The following FGD4 variants were observed in gnomAD, a reference collection of about 807,000 sequenced individuals.
The protein encoded by FGD4 is FYVE, RhoGEF and PH domain containing 4.
In FGD4, 42 loss-of-function variants were observed where a neutral mutation model predicts 102.0. The ratio of observed to expected loss-of-function variants is 0.41; its 90% CI spans 0.32 to 0.53. The LOEUF is 0.53. Among genes scored for constraint, FGD4 ranks in the 20% least tolerant of loss-of-function variants. FGD4 has a pLI of 0.21. For missense variants in FGD4, 902 were observed against 1,078.2 expected, an observed-to-expected ratio of 0.84 and a Z score of 2.29; for synonymous variants, 380 against 375.7, an observed-to-expected ratio of 1.01 and a Z score of -0.13.
chr12:32,500,392 T>TTTTTATTTTA (rs56752650), intron 1 of FGD4, among the ~76,000 whole-genome samples: 2,482 of 135,288 alleles, frequency 0.018, 43 homozygotes, highest in South Asian at 0.028. Context: ...TTTTATTTTA[T>TTTTTATTTTA]TTTTATTTTA....
intron 1 of FGD4, among the ~76,000 whole-genome samples, chr12:32,496,448 A>G (rs1298764969): frequency 2.0e-5 from 3 of 152,124 alleles, no homozygotes; most frequent in Non-Finnish European, 4.4e-5. Flanking sequence ...CCAACCCCCT[A>G]CAACAAGAGT....
At chr12:32,612,320 T>C (rs367799039) in intron 10 of FGD4, among the ~76,000 whole-genome samples, 2 of 152,232 alleles carry the variant, frequency 1.3e-5, no homozygotes, top group East Asian at 3.9e-4. Flanking sequence ...TGCTCGCTCA[T>C]TCACGTACCC....
Position 32,399,820 on chromosome 12 carries a change from C to T in FGD4, c.27C>T (p.Phe9=). 1 of 1,531,490 alleles carries T rather than the reference C, an allele frequency of 6.5e-7. No homozygotes were observed. Among genetic ancestry groups the T allele is most frequent in the Non-Finnish European group, 8.7e-7 (1 of 1,145,414 alleles). 94.9% of individuals were successfully genotyped at this position (1,531,490 alleles called of 1,614,324 possible). Residue 9 remains phenylalanine, a synonymous_variant, in exon 1 of 17, where the codon TTC becomes TTT. Transcript: ENST00000534526. MSDEGGSN[F]RRVAIRRKSN... is the part of the protein sequence containing the mutation. ...TGAGCGACGAGGGCGGCTCCAACTT[C>T]AGGCGGGTGGCGATCCGGCGGAAGT...
intron 1 of FGD4, among the ~76,000 whole-genome samples, chr12:32,401,494 CAA>C (rs1289792223): frequency 6.5e-4 from 99 of 152,024 alleles, no homozygotes; most frequent in African/African-American, 2.3e-3. Context: ...CTCCTGATCT[CAA>C]GTGATCCGCC....
chr12:32,638,545 TTTTTTGGATAGTCCAGGGAAACA>T, intron 15 of FGD4, 87 bp from the exon 16 acceptor site: 1 of 1,413,018 alleles, frequency 7.1e-7, no homozygotes, highest in Admixed American at 1.9e-5. Flanking sequence ...CAAATGAATC[TTTTTTGGATAGTCCAGGGAAACA>T]TTTTGTATAA....
chr12:32,549,310 G>C (rs1247520881), intron 1 of FGD4, among the ~76,000 whole-genome samples: 1 of 152,206 alleles, frequency 6.6e-6, no homozygotes, highest in Non-Finnish European at 1.5e-5. Flanking sequence ...GGGAAAAGTT[G>C]TCCCAGGGCC....
chr12:32,434,332 C>T (rs1565738087), intron 1 of FGD4, among the ~76,000 whole-genome samples: 1 of 152,140 alleles, frequency 6.6e-6, no homozygotes, highest in Non-Finnish European at 1.5e-5. Flanking sequence ...GCATTAGATG[C>T]TTCTAATTCA....
intron 14 of FGD4, among the ~76,000 whole-genome samples, chr12:32,630,195 G>A (rs945274577): frequency 2.6e-5 from 4 of 152,114 alleles, no homozygotes; most frequent in African/African-American, 4.8e-5. Flanking sequence ...TTACTTTAAC[G>A]TAAAGAAGCA....
In FGD4 at chr12:32,642,697, A is replaced by C. The variant is rs570003457; in HGVS notation, c.*2164A>C. ...TTTAATTTTTTAAATGAGAAGCATT[A>C]ATACTAGAAGAGAATTTCTGGTTAT... On this transcript the variant is annotated 3_prime_UTR_variant, in exon 17 of 17. Coordinates refer to ENST00000534526, the MANE Select transcript of FGD4 (RefSeq NM_001370298.3). 2 of 152,202 alleles carry C rather than the reference A, an allele frequency of 1.3e-5. No homozygotes were observed. The highest frequency in any genetic ancestry group is 2.4e-5 in the African/African-American group (1 of 41,566). The allele number at this position is 152,202 out of a possible 1,614,324, so 9.4% of individuals were successfully genotyped here.
intron 1 of FGD4, among the ~76,000 whole-genome samples, chr12:32,495,695 C>CAAAA (rs766436638): frequency 5.3e-5 from 4 of 76,076 alleles, no homozygotes; most frequent in African/African-American, 1.6e-4. Flanking sequence ...GACTCTGTTT[C>CAAAA]AAAAAAAAAA....
At chr12:32,428,536 T>C (rs528136129) in intron 1 of FGD4, among the ~76,000 whole-genome samples, 1 of 152,310 alleles carries the variant, frequency 6.6e-6, no homozygotes, top group Admixed American at 6.5e-5. Context: ...CTGATAATTA[T>C]GTGTCTTGGG....
chr12:32,540,985 A>AATT, intron 1 of FGD4, among the ~76,000 whole-genome samples: 1 of 152,306 alleles, frequency 6.6e-6, no homozygotes. Flanking sequence ...AATGAATAAA[A>AATT]TAGTCAGACT....
intron 1 of FGD4, among the ~76,000 whole-genome samples, chr12:32,453,972 A>C (rs1425907783): frequency 6.6e-6 from 1 of 152,066 alleles, no homozygotes; most frequent in Non-Finnish European, 1.5e-5. Flanking sequence ...TTTCTTTGTA[A>C]GTGGACTCTT....
intron 1 of FGD4, among the ~76,000 whole-genome samples, chr12:32,438,591 G>GTTTT (rs1555181350): frequency 3.1e-5 from 4 of 128,122 alleles, no homozygotes; most frequent in Admixed American, 7.7e-5. Flanking sequence ...CCTAAAACAT[G>GTTTT]TTTTTTGTTT....
chr12:32,402,700 T>C (rs1940739295), intron 1 of FGD4, among the ~76,000 whole-genome samples: 1 of 151,972 alleles, frequency 6.6e-6, no homozygotes, highest in African/African-American at 2.4e-5. Context: ...GTCTCGATAT[T>C]GTAAACCGGC....
chr12:32,508,598 C>G (rs934720338), intron 1 of FGD4, among the ~76,000 whole-genome samples: 3 of 152,220 alleles, frequency 2.0e-5, no homozygotes, highest in African/African-American at 7.2e-5. Flanking sequence ...TAGATCAACT[C>G]TCTTCTTGTT....
intron 1 of FGD4, among the ~76,000 whole-genome samples, chr12:32,436,194 A>G (rs1202630434): frequency 6.6e-6 from 1 of 152,234 alleles, no homozygotes; most frequent in South Asian, 2.1e-4. Flanking sequence ...CAGGCACACT[A>G]TGACTGGAAG....
At chr12:32,446,326 C>T (rs1186796875) in intron 1 of FGD4, among the ~76,000 whole-genome samples, 1 of 151,928 alleles carries the variant, frequency 6.6e-6, no homozygotes, top group Non-Finnish European at 1.5e-5. Flanking sequence ...GTTTGTGTCG[C>T]CCAGCCCCCA....
At position 32,640,278 on chromosome 12, in the gene FGD4, C is replaced by T. The variant is rs371833051; in HGVS notation, c.2457C>T (p.Asp819=). ...AATGTCTGATGTCTTTTCTTTAGGACGTCAGAGCCCAGGCCACCATTCCAC... is the reference window on the plus strand; with the variant it reads ...AATGTCTGATGTCTTTTCTTTAGGATGTCAGAGCCCAGGCCACCATTCCAC... ...LVLYMYGAPQ[D]VRAQATIPLL... The change falls in exon 17 of 17, where the codon GAC becomes GAT. Residue 819 remains aspartate, a splice_region_variant and synonymous_variant. Transcript: ENST00000534526. 1.2e-5 allele frequency: 20 copies of T among 1,614,040 alleles called. No homozygotes were observed. The highest frequency in any genetic ancestry group is 1.1e-4 in the African/African-American group (8 of 74,928).
Sources: gnomAD v4.1 joint callset for allele counts (sites outside exome capture counted in the v4.1 genomes callset) on GRCh38, gnomAD v4.1.1 for gene constraint, MANE v1.5 for transcripts, NCBI Gene and HGNC (gene_info 2026-07-23, HGNC 2026-07-21) for gene names.